The following ERBB4 variants were observed in gnomAD, a reference collection of about 807,000 sequenced individuals.
ERBB4 encodes receptor tyrosine-protein kinase erbB-4.
A neutral mutation model predicts 158.0 loss-of-function variants in ERBB4; 42 were observed. The ratio of observed to expected loss-of-function variants is 0.27; its 90% CI spans 0.21 to 0.34. The LOEUF (loss-of-function observed/expected upper bound fraction) is 0.34. Among genes scored for constraint, ERBB4 ranks in the 10% least tolerant of loss-of-function variants. The pLI, the probability that ERBB4 is intolerant of heterozygous loss-of-function variation, is 1.00. For synonymous variants in ERBB4, 583 were observed against 558.7 expected (o/e 1.04, Z -0.61); for missense variants, 1,333 against 1,624.1 (o/e 0.82, Z 3.08).
chr2:211,907,231 T>C (rs73073363), intron 3 of ERBB4, among the ~76,000 whole-genome samples: 21,427 of 151,714 alleles, frequency 0.14, 1,993 homozygotes, highest in African/African-American at 0.23. Flanking sequence ...AGTCTGTGTT[T>C]AAGGGAGAGT....
chr2:212,457,803 T>C (rs1164973953), intron 1 of ERBB4, among the ~76,000 whole-genome samples: 1 of 152,040 alleles, frequency 6.6e-6, no homozygotes, highest in Non-Finnish European at 1.5e-5. Flanking sequence ...ATATTCTTTT[T>C]AATTTGCACT....
At chr2:211,568,762 C>T (rs976746663) in intron 19 of ERBB4, among the ~76,000 whole-genome samples, 4 of 151,944 alleles carry the variant, frequency 2.6e-5, no homozygotes, top group Non-Finnish European at 5.9e-5. Flanking sequence ...GATTTGTGAG[C>T]GCTTGAAAGA....
intron 2 of ERBB4, among the ~76,000 whole-genome samples, chr2:212,075,144 A>T (rs1044276445): frequency 3.3e-5 from 5 of 152,066 alleles, no homozygotes; most frequent in Admixed American, 1.3e-4. Flanking sequence ...AAGCACTTAA[A>T]AAATATAAAA....
intron 3 of ERBB4, among the ~76,000 whole-genome samples, chr2:211,899,681 A>G (rs2079184029): frequency 6.6e-6 from 1 of 152,136 alleles, no homozygotes; most frequent in South Asian, 2.1e-4. Context: ...AAGAGGGGCC[A>G]AGACTAGCAT....
chr2:212,468,608 G>A (rs959274763), intron 1 of ERBB4, among the ~76,000 whole-genome samples: 16 of 152,100 alleles, frequency 1.1e-4, no homozygotes, highest in South Asian at 4.1e-4. Context: ...AAATTGTCCC[G>A]TCTCAGGTAT....
chr2:211,977,347 A>G (rs2081638285), intron 2 of ERBB4, among the ~76,000 whole-genome samples: 1 of 152,090 alleles, frequency 6.6e-6, no homozygotes, highest in Non-Finnish European at 1.5e-5. Flanking sequence ...ATGATGAAGT[A>G]GTCTTGTGTA....
intron 1 of ERBB4, among the ~76,000 whole-genome samples, chr2:212,275,300 G>T (rs2085489978): frequency 6.6e-6 from 1 of 151,854 alleles, no homozygotes; most frequent in Admixed American, 6.6e-5. Flanking sequence ...TAATGGGATG[G>T]CTGGGTCAAA....
chr2:212,189,154 A>G (rs2082116716), intron 1 of ERBB4, among the ~76,000 whole-genome samples: 2 of 151,986 alleles, frequency 1.3e-5, no homozygotes, highest in East Asian at 3.9e-4. Flanking sequence ...CCAAAATGTA[A>G]AATGTTCCAA....
At chr2:212,002,339 G>A (rs543309577) in intron 2 of ERBB4, among the ~76,000 whole-genome samples, 34 of 152,240 alleles carry the variant, frequency 2.2e-4, no homozygotes, top group South Asian at 1.0e-3. Flanking sequence ...AGATGGATCA[G>A]CTGATACAAG....
intron 1 of ERBB4, among the ~76,000 whole-genome samples, chr2:212,321,132 G>T (rs1158173301): frequency 1.3e-5 from 2 of 150,068 alleles, no homozygotes; most frequent in Admixed American, 6.7e-5. Context: ...ACTACAAAAA[G>T]GTGCTCTTTT....
At chr2:211,980,173 A>C (rs1352912522) in intron 2 of ERBB4, among the ~76,000 whole-genome samples, 1 of 152,192 alleles carries the variant, frequency 6.6e-6, no homozygotes, top group East Asian at 1.9e-4. Flanking sequence ...TTTTGAAAAG[A>C]AAAAGACATA....
At chr2:212,273,701 C>A (rs1003014655) in intron 1 of ERBB4, among the ~76,000 whole-genome samples, 1 of 151,746 alleles carries the variant, frequency 6.6e-6, no homozygotes, top group African/African-American at 2.4e-5. Flanking sequence ...TATAATACTT[C>A]AGGGATCATA....
chr2:212,127,323 C>T (rs772679037), intron 1 of ERBB4, among the ~76,000 whole-genome samples: 81 of 152,096 alleles, frequency 5.3e-4, no homozygotes, highest in South Asian at 8.3e-4. Context: ...CTGGGTGCAG[C>T]GGCTCATGCC....
chr2:211,764,354 T>C (rs57828323), intron 4 of ERBB4, among the ~76,000 whole-genome samples: 11,830 of 152,264 alleles, frequency 0.078, 1,250 homozygotes, highest in African/African-American at 0.24. Flanking sequence ...TCAGTTCTAT[T>C]ACCTATCTTT....
In ERBB4 at chr2:211,630,458, T is replaced by C. The variant is rs1206127928; in HGVS notation, c.2079+4A>G. 1.2e-6 allele frequency: 2 copies of C among 1,613,230 alleles called. No homozygotes were observed. The highest frequency in any genetic ancestry group is 1.1e-5 in the South Asian group (1 of 91,060). The stretch of plus-strand genomic sequence containing the variant: ...CACATGAAGAGGAGAAAGAAATACC[T>C]CACCTCTGTTTCCAAGAATCTTCTC... On this transcript the variant is annotated splice_donor_region_variant and intron_variant, in intron 17 of 27. Coordinates refer to ENST00000342788, the MANE Select transcript of ERBB4 (RefSeq NM_005235.3).
At chr2:212,314,225 T>C (rs1159848753) in intron 1 of ERBB4, among the ~76,000 whole-genome samples, 1 of 151,164 alleles carries the variant, frequency 6.6e-6, no homozygotes, top group Non-Finnish European at 1.5e-5. Flanking sequence ...GAAAATCTTG[T>C]TTTTAAGTTT....
Position 212,180,505 on chromosome 2 carries a change from C to T in ERBB4, c.83-55602G>A, listed in dbSNP as rs550403969. Among the ~76,000 whole-genome samples, 4 of 151,778 alleles carry T rather than the reference C, an allele frequency of 2.6e-5. No individual in the cohort carries two copies. In the South Asian group the frequency reaches 8.3e-4, roughly 31 times the overall value. On this transcript the variant is annotated intron_variant, in intron 1 of 27. Coordinates refer to ENST00000342788, the MANE Select transcript of ERBB4 (RefSeq NM_005235.3). The stretch of plus-strand genomic sequence containing the variant: ...TGTTTCATTTGCCTTTAAGATCACT[C>T]TATTCCAACATGACAGGTTTATATT...
At chr2:212,490,519 A>G (rs941169689) in intron 1 of ERBB4, among the ~76,000 whole-genome samples, 14 of 151,860 alleles carry the variant, frequency 9.2e-5, no homozygotes, top group Non-Finnish European at 1.6e-4. Context: ...CTAGAGTTAA[A>G]AAACCAGAGT....
chr2:211,581,288 A>C (rs2068096272), intron 19 of ERBB4, among the ~76,000 whole-genome samples: 1 of 152,092 alleles, frequency 6.6e-6, no homozygotes, highest in Non-Finnish European at 1.5e-5. Context: ...TTAATATAGA[A>C]AAATTAAAAG....
Sources: gnomAD v4.1 joint callset for allele counts (sites outside exome capture counted in the v4.1 genomes callset) on GRCh38, gnomAD v4.1.1 for gene constraint, MANE v1.5 for transcripts, NCBI Gene and HGNC (gene_info 2026-07-23, HGNC 2026-07-21) for gene names.